The following KCNC2 variants were observed in gnomAD, a reference collection of about 807,000 sequenced individuals.
KCNC2 encodes the protein potassium voltage-gated channel subfamily C member 2, also known as voltage-gated potassium channel KCNC2.
Under a neutral mutation model 44.5 loss-of-function variants are expected in KCNC2, and 21 were observed. The ratio of observed to expected loss-of-function variants is 0.47; its 90% confidence interval spans 0.33 to 0.68. The LOEUF (loss-of-function observed/expected upper bound fraction) is 0.68, where lower values mean the gene tolerates loss of function less well. Ranked by LOEUF, KCNC2 falls within the 30% of genes least tolerant of loss-of-function variation. The probability of loss-of-function intolerance (pLI) is 0.01; values close to 1 mark genes in which losing one functional copy is unlikely to be tolerated. For synonymous variants in KCNC2, 391 were observed against 339.1 expected, an observed-to-expected ratio of 1.15 and a Z score of -1.68; for missense variants, 589 against 826.2, an observed-to-expected ratio of 0.71 and a Z score of 3.52.
chr12:75,076,923 C>A (rs1884039127), intron 2 of KCNC2, among the ~76,000 whole-genome samples: 1 of 152,068 alleles, frequency 6.6e-6, no homozygotes, highest in Non-Finnish European at 1.5e-5. Context: ...ATGGAGAAAA[C>A]AGTCAACTTA....
chr12:75,044,923 A>C (rs1032777732), intron 4 of KCNC2: 1 of 152,006 alleles, frequency 6.6e-6, no homozygotes, highest in African/African-American at 2.4e-5. Context: ...ATGATGGAAT[A>C]GTGGGAGGAT....
chr12:75,177,688 T>C (rs1023055269), intron 2 of KCNC2, among the ~76,000 whole-genome samples: 2 of 152,042 alleles, frequency 1.3e-5, no homozygotes, highest in African/African-American at 4.8e-5. Flanking sequence ...TTAAGTTCTC[T>C]TCTTGAGAAC....
At chr12:75,100,738 T>C (rs1565854704) in intron 2 of KCNC2, among the ~76,000 whole-genome samples, 1 of 152,036 alleles carries the variant, frequency 6.6e-6, no homozygotes, top group African/African-American at 2.4e-5. Flanking sequence ...CTGTATATTG[T>C]CAATATGTTA....
intron 2 of KCNC2, among the ~76,000 whole-genome samples, chr12:75,188,748 T>C (rs1004640586): frequency 3.3e-5 from 5 of 151,536 alleles, no homozygotes; most frequent in Non-Finnish European, 1.5e-5. Flanking sequence ...TAATCCCAGC[T>C]ACTCGGGAGG....
At chr12:75,116,928 C>G (rs1887700278) in intron 2 of KCNC2, among the ~76,000 whole-genome samples, 1 of 152,198 alleles carries the variant, frequency 6.6e-6, no homozygotes, top group Non-Finnish European at 1.5e-5. Context: ...ATCTCATCTG[C>G]TCTAGCTATC....
chr12:75,108,154 T>C (rs978100023), intron 2 of KCNC2, among the ~76,000 whole-genome samples: 5 of 152,188 alleles, frequency 3.3e-5, no homozygotes, highest in African/African-American at 1.2e-4. Context: ...TTCCACTTTA[T>C]GAAATGAACT....
chr12:75,147,684 A>G (rs1890120671), intron 2 of KCNC2, among the ~76,000 whole-genome samples: 1 of 152,204 alleles, frequency 6.6e-6, no homozygotes. Flanking sequence ...CAGACATGAC[A>G]CATGGCTTGG....
chr12:75,196,544 T>C, intron 2 of KCNC2, among the ~76,000 whole-genome samples: 1 of 152,084 alleles, frequency 6.6e-6, no homozygotes, highest in Non-Finnish European at 1.5e-5. Flanking sequence ...TTAACATAAA[T>C]GTGCTCAGTC....
intron 4 of KCNC2, among the ~76,000 whole-genome samples, chr12:75,045,019 TCTGAAAAGTGA>T (rs1880321801): frequency 6.6e-6 from 1 of 151,940 alleles, no homozygotes; most frequent in African/African-American, 2.4e-5. Flanking sequence ...TTACTGCTCT[TCTGAAAAGTGA>T]CTGAAAATAT....
At chr12:75,196,847 T>C (rs2030811472) in intron 2 of KCNC2, among the ~76,000 whole-genome samples, 1 of 152,082 alleles carries the variant, frequency 6.6e-6, no homozygotes, top group Admixed American at 6.6e-5. Context: ...AATTCTTCCA[T>C]CCATGAAAGT....
intron 2 of KCNC2, among the ~76,000 whole-genome samples, chr12:75,206,313 A>G (rs1203894974): frequency 6.6e-6 from 1 of 152,158 alleles, no homozygotes; most frequent in Non-Finnish European, 1.5e-5. Context: ...ATAATTAAAA[A>G]CCATTCACAT....
rs181221931 is a variant in KCNC2, at chr12:75,174,564, A to G, written c.687+32733T>C. Among the ~76,000 whole-genome samples the G allele has an allele frequency of 3.3e-3, 500 of 152,022 alleles. 3 individuals carry two copies. The highest frequency in any genetic ancestry group is 5.9e-3 in the Non-Finnish European group (403 of 67,914). On this transcript the variant is annotated intron_variant, in intron 2 of 4. Coordinates refer to ENST00000549446, the MANE Select transcript of KCNC2 (RefSeq NM_139137.4). ...AAAATGTTCCATATGTAACACATGA[A>G]TTTTATTTGACATAGAGCACATATT...
intron 1 of KCNC2, among the ~76,000 whole-genome samples, chr12:75,208,335 C>G (rs937463196): frequency 1.3e-5 from 2 of 152,024 alleles, no homozygotes; most frequent in African/African-American, 4.8e-5. Flanking sequence ...TTTCTGTTCC[C>G]ACTCAAGTCC....
At chr12:75,176,455 C>A (rs1286434299) in intron 2 of KCNC2, among the ~76,000 whole-genome samples, 1 of 151,914 alleles carries the variant, frequency 6.6e-6, no homozygotes, top group Non-Finnish European at 1.5e-5. Flanking sequence ...GGACTACAAG[C>A]CCTGTAAGAT....
intron 2 of KCNC2, among the ~76,000 whole-genome samples, chr12:75,158,319 A>ATC (rs945710505): frequency 2.6e-5 from 4 of 151,942 alleles, no homozygotes; most frequent in African/African-American, 4.8e-5. Context: ...GAAAACAGTT[A>ATC]TCTGCACAGC....
chr12:75,117,200 T>C (rs1244393734), intron 2 of KCNC2, among the ~76,000 whole-genome samples: 2 of 152,224 alleles, frequency 1.3e-5, no homozygotes, highest in Non-Finnish European at 2.9e-5. Context: ...GCTTACTGTT[T>C]TTTATGCTTT....
chr12:75,154,494 C>CT (rs1890625143), intron 2 of KCNC2, among the ~76,000 whole-genome samples: 1 of 152,002 alleles, frequency 6.6e-6, no homozygotes, highest in Admixed American at 6.6e-5. Context: ...TTTATGCAGT[C>CT]TTTACACCTT....
At chr12:75,125,475 T>C (rs899431615) in intron 2 of KCNC2, among the ~76,000 whole-genome samples, 1 of 152,204 alleles carries the variant, frequency 6.6e-6, no homozygotes, top group African/African-American at 2.4e-5. Context: ...CTGTGTTTTT[T>C]CAGCAGAAGA....
rs1206456289 is a variant in KCNC2, at chr12:75,086,681, A to AAAATATATATATAT, written c.688-35365_688-35364insATATATATATATTT. 1.0e-2 allele frequency among the ~76,000 whole-genome samples: 536 copies of AAAATATATATATAT among 53,792 alleles called. 1 individual carries two copies. Among genetic ancestry groups the AAAATATATATATAT allele is most frequent in the Non-Finnish European group, 0.016 (441 of 28,266 alleles). 35.3% of individuals were successfully genotyped at this position (53,792 alleles called of 152,430 possible). A position where few individuals can be genotyped will look rare whatever the true frequency, so the allele number is the denominator to read the frequency against. ...TTGGCAAAAAAAAAAAAAAAAAAAA[A>AAAATATATATATAT]ATATATATATATATATATACACACA... is the stretch of plus-strand genomic sequence containing the variant. On this transcript the variant is annotated intron_variant, in intron 2 of 4. Coordinates refer to ENST00000549446, the MANE Select transcript of KCNC2 (RefSeq NM_139137.4).
Sources: allele counts gnomAD v4.1 joint callset (sites outside exome capture counted in the v4.1 genomes callset), GRCh38; gene constraint gnomAD v4.1.1; transcripts MANE v1.5; gene names NCBI Gene and HGNC (gene_info 2026-07-23, HGNC 2026-07-21).